Variants in COL4A3 observed in about 807,000 individuals in gnomAD.
COL4A3 encodes collagen alpha-3(IV) chain.
COL4A3 carries 135 observed loss-of-function variants against 217.4 expected under a neutral mutation model. That is an observed-to-expected ratio of 0.62 (90% CI 0.54 to 0.72). COL4A3 has a LOEUF of 0.72. Ranked by LOEUF, COL4A3 falls within the 30% of genes least tolerant of loss-of-function variation. The probability of loss-of-function intolerance (pLI) is 0.00; values close to 1 mark genes in which losing one functional copy is unlikely to be tolerated. For missense variants in COL4A3, 1,868 were observed against 2,119.9 expected (o/e 0.88, Z 2.33); for synonymous variants, 690 against 736.3 (o/e 0.94, Z 1.02).
At chr2:227,199,033 G>A (rs952888438) in intron 1 of COL4A3, among the ~76,000 whole-genome samples, 2 of 152,128 alleles carry the variant, frequency 1.3e-5, no homozygotes, top group African/African-American at 4.8e-5. Flanking sequence ...AGGGACGTGG[G>A]ACTTATTTTC....
chr2:227,251,497 G>A, intron 11 of COL4A3, 126 bp downstream of exon 11: 1 of 843,962 alleles, frequency 1.2e-6, no homozygotes, highest in Non-Finnish European at 2.0e-6. Flanking sequence ...ATCCCTAGCA[G>A]GGAAGAGCAT....
chr2:227,178,711 G>GTT (rs111779546), intron 1 of COL4A3, among the ~76,000 whole-genome samples: 4 of 145,092 alleles, frequency 2.8e-5, no homozygotes, highest in African/African-American at 1.0e-4. Flanking sequence ...TTTTGTTTTT[G>GTT]TTTTTTTTTT....
chr2:227,184,988 G>A (rs769345262), intron 1 of COL4A3, among the ~76,000 whole-genome samples: 11 of 134,534 alleles, frequency 8.2e-5, no homozygotes, highest in Admixed American at 5.8e-4. Context: ...TGCAAGCTCC[G>A]CCTCCCAGGT....
chr2:227,268,104 T>G (rs1254116018), intron 23 of COL4A3, among the ~76,000 whole-genome samples: 1 of 152,212 alleles, frequency 6.6e-6, no homozygotes, highest in African/African-American at 2.4e-5. Context: ...CACCAGCACC[T>G]TGGTCTTCAG....
rs376969680 is a variant in COL4A3 at position 227,269,992 on chromosome 2, T to C, written c.1575+12T>C. 22 of 1,609,294 alleles carry C rather than the reference T, an allele frequency of 1.4e-5. No individual in the cohort carries two copies. The highest frequency in any genetic ancestry group is 1.6e-4 in the Middle Eastern group (1 of 6,080). ...TTCCAGGATTTCCAGTAAGATTTCA[T>C]GTTTTTAAATCTTTAGCTTCAATTT... is the stretch of plus-strand genomic sequence containing the variant. On this transcript the variant is annotated intron_variant, in intron 24 of 51. Coordinates refer to ENST00000396578, the MANE Select transcript of COL4A3 (RefSeq NM_000091.5).
intron 1 of COL4A3, among the ~76,000 whole-genome samples, chr2:227,208,153 G>A (rs4533464): frequency 0.081 from 12,317 of 152,124 alleles, 716 homozygotes; most frequent in Admixed American, 0.14. Context: ...GGCATAGGCC[G>A]AACTGACTTT....
At chr2:227,298,605 A>C in intron 42 of COL4A3, 77 bp from the exon 43 acceptor site, 2 of 1,591,158 alleles carry the variant, frequency 1.3e-6, no homozygotes, top group Non-Finnish European at 1.7e-6. Context: ...TTTATACTTC[A>C]TTAGAAACAA....
In COL4A3 at chr2:227,298,012, G is replaced by T. The variant is rs116152679; in HGVS notation, c.3751+153G>T. Among the ~76,000 whole-genome samples the T allele has an allele frequency of 1.6e-3, 239 of 152,276 alleles. 3 individuals carry two copies. The highest frequency in any genetic ancestry group is 5.3e-3 in the African/African-American group (221 of 41,538). ...CCTGTGGTTCCCATACCCAGCAGTTGTCAAGGCAAGGTAGCCTGTTTGAGG... is the reference window on the plus strand; with the variant it reads ...CCTGTGGTTCCCATACCCAGCAGTTTTCAAGGCAAGGTAGCCTGTTTGAGG... On this transcript the variant is annotated intron_variant, in intron 42 of 51. Coordinates refer to ENST00000396578, the MANE Select transcript of COL4A3 (RefSeq NM_000091.5).
intron 47 of COL4A3, 45 bp from the exon 48 acceptor site, chr2:227,307,665 A>G: frequency 2.6e-6 from 4 of 1,524,794 alleles, no homozygotes; most frequent in Non-Finnish European, 3.6e-6. Context: ...AAACGAGTTT[A>G]AGATTTTTGT....
At chr2:227,187,046 G>A (rs1475106793) in intron 1 of COL4A3, among the ~76,000 whole-genome samples, 2 of 152,214 alleles carry the variant, frequency 1.3e-5, no homozygotes, top group Admixed American at 6.5e-5. Flanking sequence ...AGCTCCTCTT[G>A]ATGGTGTTCT....
chr2:227,306,953 C>T (rs766751406), intron 47 of COL4A3, among the ~76,000 whole-genome samples: 1 of 151,856 alleles, frequency 6.6e-6, no homozygotes, highest in Non-Finnish European at 1.5e-5. Flanking sequence ...AAATAATAGC[C>T]GTTCAATGAA....
chr2:227,263,896 G>A lies in COL4A3; in HGVS notation c.1267G>A (p.Ala423Thr). The change falls in exon 21 of 52, where the codon GCT (alanine) becomes ACT (threonine). Residue 423 changes from alanine to threonine, a missense_variant. Transcript: ENST00000396578. ...GGGGACTCCTGGGTCCCCAGGTTGT[G>A]CTGGTTCACCAGGTCTTCCAGGATC... The part of the protein sequence containing the change: ...AMGTPGSPGC[A>T]GSPGLPGSPG... 2 of 1,614,208 alleles carry A rather than the reference G, an allele frequency of 1.2e-6. No individual in the cohort carries two copies. Among genetic ancestry groups the A allele is most frequent in the Non-Finnish European group, 1.7e-6 (2 of 1,180,024 alleles).
At chr2:227,173,124 G>A (rs1446897809) in intron 1 of COL4A3, among the ~76,000 whole-genome samples, 2 of 152,130 alleles carry the variant, frequency 1.3e-5, no homozygotes, top group South Asian at 2.1e-4. Context: ...AAATGAGTTA[G>A]AGCAAAGCTA....
In COL4A3 at chr2:227,293,194, G is replaced by A; in HGVS notation, c.3214G>A (p.Asp1072Asn). 1 of 1,613,890 alleles carries A rather than the reference G, an allele frequency of 6.2e-7. No homozygotes were observed. Among genetic ancestry groups the A allele is most frequent in the Non-Finnish European group, 8.5e-7 (1 of 1,180,008 alleles). ...AAGGTATTTGACTACATTTAAGGGG[G>A]ATCCAGGACTGCCGGGTGATATGGG... is the stretch of plus-strand genomic sequence containing the variant. ...TRPGPPGPTG[D>N]PGLPGDMGKK... The change falls in exon 38 of 52, where the codon GAT (aspartate) becomes AAT (asparagine). Residue 1072 changes from aspartate to asparagine, a missense_variant. Around this residue, in one of 2 missense-constraint regions of COL4A3, gnomAD observed 1,503 missense variants for 1,786.1 expected, o/e 0.84. Transcript: ENST00000396578.
chr2:227,284,065 C>A (rs2106173465), intron 33 of COL4A3, 146 bp from the exon 34 acceptor site: 3 of 1,147,562 alleles, frequency 2.6e-6, no homozygotes, highest in East Asian at 2.4e-5. Flanking sequence ...AGGCTGCCTG[C>A]CTGGGGAAAC....
chr2:227,216,224 G>C (rs569999146), intron 1 of COL4A3, among the ~76,000 whole-genome samples: 1 of 152,148 alleles, frequency 6.6e-6, no homozygotes, highest in Non-Finnish European at 1.5e-5. Context: ...GGTAAATTTG[G>C]CAAGGTGCAT....
intron 41 of COL4A3, 55 bp from the exon 42 acceptor site, chr2:227,297,619 C>G: frequency 6.5e-7 from 1 of 1,536,768 alleles, no homozygotes. Flanking sequence ...TAGTCAAGAA[C>G]TCTAACCCAA....
At chr2:227,298,503 G>T (rs1316369756) in intron 42 of COL4A3, among the ~76,000 whole-genome samples, 179 bp from the exon 43 acceptor site, 1 of 152,198 alleles carries the variant, frequency 6.6e-6, no homozygotes, top group African/African-American at 2.4e-5. Flanking sequence ...TGGGTGCCAG[G>T]TGCTTCGCTG....
chr2:227,276,560 A>G (rs2071578531), intron 27 of COL4A3, 83 bp downstream of exon 27: 2 of 1,049,896 alleles, frequency 1.9e-6, no homozygotes, highest in South Asian at 2.6e-5. Flanking sequence ...TGTCCCCATT[A>G]TAAGGAAAAA....
Sources: allele counts gnomAD v4.1 joint callset (sites outside exome capture counted in the v4.1 genomes callset), GRCh38; gene constraint gnomAD v4.1.1; regional missense constraint gnomAD v4.1.1; transcripts MANE v1.5; gene names NCBI Gene and HGNC (gene_info 2026-07-23, HGNC 2026-07-21).